Variants in CTNNA2 observed in about 807,000 individuals in gnomAD.
CTNNA2 encodes catenin alpha-2.
In CTNNA2, 42 loss-of-function variants were observed where a neutral mutation model predicts 101.0. The ratio of observed to expected loss-of-function variants is 0.42; its 90% CI spans 0.32 to 0.54. The LOEUF is 0.54. CTNNA2 is among the 20% of genes least tolerant of loss of function. The pLI, the probability that CTNNA2 is intolerant of heterozygous loss-of-function variation, is 0.14. For missense variants in CTNNA2, 871 were observed against 1,223.1 expected (o/e 0.71, Z 4.29); for synonymous variants, 450 against 456.4 (o/e 0.99, Z 0.18).
intron 3 of CTNNA2, among the ~76,000 whole-genome samples, chr2:79,752,764 G>A (rs192548969): frequency 6.6e-6 from 1 of 152,270 alleles, no homozygotes; most frequent in African/African-American, 2.4e-5. Flanking sequence ...GAGCAATGGG[G>A]AGACATTAAA....
At chr2:80,050,637 G>A (rs1187109741) in intron 7 of CTNNA2, among the ~76,000 whole-genome samples, 2 of 152,196 alleles carry the variant, frequency 1.3e-5, no homozygotes, top group Non-Finnish European at 2.9e-5. Flanking sequence ...CCAAATCATA[G>A]TGACCCTGAT....
chr2:79,838,806 C>T (rs574982765), intron 3 of CTNNA2, among the ~76,000 whole-genome samples: 37 of 151,888 alleles, frequency 2.4e-4, no homozygotes, highest in African/African-American at 8.0e-4. Context: ...ACATGAATTC[C>T]GTGTAGATGA....
rs143088049 is a variant in CTNNA2 at position 79,759,348 on chromosome 2, G to A, written c.298+14766G>A. On this transcript the variant is annotated intron_variant, in intron 3 of 18. Transcript: ENST00000402739. The stretch of plus-strand genomic sequence containing the variant: ...GCGGAGGTTGCAGTGAACCAAGATC[G>A]TGCCACTGCACTCCAGCCTGGGTGA... Among the ~76,000 whole-genome samples, 116 of 152,034 alleles carry A rather than the reference G, an allele frequency of 7.6e-4. 4 individuals are homozygous for A. In the East Asian group the frequency reaches 0.018, roughly 24 times the overall value.
intron 4 of CTNNA2, among the ~76,000 whole-genome samples, chr2:79,478,983 T>C (rs1275031000): frequency 6.6e-6 from 1 of 152,204 alleles, no homozygotes; most frequent in Non-Finnish European, 1.5e-5. Flanking sequence ...AGAAACCAGC[T>C]TAATGTATCA....
At chr2:79,821,236 C>T (rs974152905) in intron 3 of CTNNA2, among the ~76,000 whole-genome samples, 5 of 151,898 alleles carry the variant, frequency 3.3e-5, no homozygotes, top group African/African-American at 1.2e-4. Context: ...TTAGATGAAG[C>T]CTTGCTCTGT....
intron 1 of CTNNA2, among the ~76,000 whole-genome samples, chr2:79,191,569 T>C (rs772316182): frequency 1.2e-4 from 18 of 152,318 alleles, no homozygotes; most frequent in Admixed American, 5.2e-4. Context: ...ATGGAAATTG[T>C]CAACTTATCA....
rs1252582398 is a variant in CTNNA2, at chr2:79,869,799, G to T, written c.466-17G>T. On this transcript the variant is annotated splice_polypyrimidine_tract_variant and intron_variant, in intron 4 of 18. Transcript: ENST00000402739. ...AATACTATCCACTAATAAATATGTT[G>T]TTTTTCACCACTGCAGGTGGAAGAG... 1 of 1,606,280 alleles carries T rather than the reference G, an allele frequency of 6.2e-7. No individual in the cohort carries two copies. The highest frequency in any genetic ancestry group is 2.2e-5 in the East Asian group (1 of 44,836).
chr2:79,931,360 C>T (rs1574342338), intron 7 of CTNNA2, among the ~76,000 whole-genome samples: 1 of 152,084 alleles, frequency 6.6e-6, no homozygotes, highest in African/African-American at 2.4e-5. Context: ...CTCCCCTATA[C>T]CCACTCCCCT....
intron 3 of CTNNA2, among the ~76,000 whole-genome samples, chr2:79,746,754 A>C (rs1203780714): frequency 1.3e-5 from 2 of 152,158 alleles, no homozygotes; most frequent in African/African-American, 4.8e-5. Flanking sequence ...ATACCTTCTC[A>C]GGGAAACTTT....
At chr2:79,618,265 G>A (rs1398575322) in intron 1 of CTNNA2, among the ~76,000 whole-genome samples, 1 of 152,162 alleles carries the variant, frequency 6.6e-6, no homozygotes, top group African/African-American at 2.4e-5. Context: ...CCTTGGAGGT[G>A]AATTTTCCCA....
intron 4 of CTNNA2, chr2:79,498,160 A>G (rs1671279254): frequency 6.6e-6 from 1 of 152,254 alleles, no homozygotes; most frequent in Non-Finnish European, 1.5e-5. Flanking sequence ...ATATACCTGA[A>G]AGAGAAATGA....
intron 3 of CTNNA2, among the ~76,000 whole-genome samples, chr2:79,779,388 A>G (rs1674252144): frequency 2.0e-5 from 3 of 152,122 alleles, no homozygotes; most frequent in Non-Finnish European, 4.4e-5. Context: ...CACCTGGATA[A>G]TAGGTCAAGC....
intron 7 of CTNNA2, among the ~76,000 whole-genome samples, chr2:80,034,138 T>C (rs1160014589): frequency 1.3e-5 from 2 of 151,862 alleles, no homozygotes; most frequent in Admixed American, 6.6e-5. Flanking sequence ...GGGGAACATG[T>C]CAAAAGACCA....
rs141926947 is a variant in CTNNA2, at chr2:79,778,544, G to A, written c.298+33962G>A. Among the ~76,000 whole-genome samples the A allele has an allele frequency of 1.3e-3, 195 of 152,140 alleles. 1 individual carries two copies. Among genetic ancestry groups the A allele is most frequent in the African/African-American group, 4.5e-3 (186 of 41,512 alleles). On this transcript the variant is annotated intron_variant, in intron 3 of 18. Coordinates refer to ENST00000402739, the MANE Select transcript of CTNNA2 (RefSeq NM_001282597.3). Reference sequence around the variant, plus strand: ...ATGATGACTGTATATATGGGTATATGCAGTCATATATATACACATGCATAA... The same window carrying A: ...ATGATGACTGTATATATGGGTATATACAGTCATATATATACACATGCATAA...
intron 2 of CTNNA2, among the ~76,000 whole-genome samples, chr2:79,308,114 G>C (rs529302846): frequency 6.6e-6 from 1 of 152,006 alleles, no homozygotes; most frequent in Admixed American, 6.6e-5. Flanking sequence ...GCATGATCTC[G>C]GCTCACTGCA....
At chr2:79,464,371 T>C (rs528714541) in intron 4 of CTNNA2, among the ~76,000 whole-genome samples, 179 of 152,326 alleles carry the variant, frequency 1.2e-3, no homozygotes, top group Non-Finnish European at 2.0e-3. Flanking sequence ...ATTTTCTTAA[T>C]CCAGTCTATC....
intron 1 of CTNNA2, among the ~76,000 whole-genome samples, chr2:79,569,688 A>G (rs931772907): frequency 5.3e-5 from 8 of 152,240 alleles, no homozygotes; most frequent in South Asian, 2.1e-4. Context: ...TGGAAACTCT[A>G]TTTCCCCATT....
chr2:79,838,489 G>A (rs1338649900), intron 3 of CTNNA2, among the ~76,000 whole-genome samples: 1 of 152,102 alleles, frequency 6.6e-6, no homozygotes, highest in South Asian at 2.1e-4. Flanking sequence ...CTGAATAAAA[G>A]AGTGATAATT....
intron 4 of CTNNA2, among the ~76,000 whole-genome samples, chr2:79,489,196 G>A (rs1186306607): frequency 6.6e-6 from 1 of 151,778 alleles, no homozygotes; most frequent in Non-Finnish European, 1.5e-5. Context: ...TGTGATTTCT[G>A]TCCAGTTATT....
Sources: gnomAD v4.1 joint callset for allele counts (sites outside exome capture counted in the v4.1 genomes callset) on GRCh38, gnomAD v4.1.1 for gene constraint, MANE v1.5 for transcripts, NCBI Gene and HGNC (gene_info 2026-07-23, HGNC 2026-07-21) for gene names.